The following PRICKLE3 variants were observed in gnomAD, a reference collection of about 807,000 sequenced individuals.
PRICKLE3 encodes the protein prickle planar cell polarity protein 3.
Under a neutral mutation model 33.8 loss-of-function variants are expected in PRICKLE3, and 17 were observed. That is an observed-to-expected ratio of 0.50 (90% CI 0.34 to 0.75). The LOEUF is 0.75. PRICKLE3 is among the 30% of genes least tolerant of loss of function. The pLI is 0.01. For missense variants in PRICKLE3, 573 were observed against 576.7 expected, an observed-to-expected ratio of 0.99 and a Z score of 0.07; for synonymous variants, 211 against 219.6, an observed-to-expected ratio of 0.96 and a Z score of 0.34.
At position 49,174,838 on chromosome X, in the gene PRICKLE3, C is replaced by G; in HGVS notation, c.*835G>C. ...AGTGCCTTTATTGGGAGACTTTTGT[C>G]TTCCAGCCTGCCAATCAACCCTCCT... is the stretch of plus-strand genomic sequence containing the variant. On this transcript the variant is annotated 3_prime_UTR_variant, in exon 9 of 9. Transcript: ENST00000599218. The G allele has an allele frequency of 1.8e-6, 1 of 555,172 alleles. No individual in the cohort carries two copies. The highest frequency in any genetic ancestry group is 2.5e-5 in the South Asian group (1 of 40,235). The allele number at this position is 555,172 out of a possible 1,213,427, so 45.8% of individuals were successfully genotyped here.
intron 3 of PRICKLE3, among the ~76,000 whole-genome samples, 193 bp from the exon 4 acceptor site, chrX:49,179,999 G>A (rs1355342259): frequency 1.7e-4 from 17 of 97,710 alleles, no homozygotes; most frequent in African/African-American, 5.3e-4. Flanking sequence ...GTTCCTGCAT[G>A]TATTGACCTC....
In PRICKLE3 at chrX:49,179,722, G is replaced by A; in HGVS notation, c.397C>T (p.Leu133=). The stretch of plus-strand genomic sequence containing the variant: ...CTGTCGTGTGGGGGCAGCTGGTGCA[G>A]CAGCTGCTTGATCCTGTATTTCTCC... ...PGEKYRIKQL[L]HQLPPHDSEA... Residue 133 remains leucine (L), a synonymous_variant, in exon 4 of 9, where the codon CTG becomes TTG. Transcript: ENST00000599218. 4 of 1,187,756 alleles carry A rather than the reference G, an allele frequency of 3.4e-6. No individual in the cohort carries two copies. The highest frequency in any genetic ancestry group is 4.5e-6 in the Non-Finnish European group (4 of 880,478).
At chrX:49,183,406 A>G (rs183070516) in intron 3 of PRICKLE3, among the ~76,000 whole-genome samples, 1 of 111,689 alleles carries the variant, frequency 9.0e-6, no homozygotes, top group African/African-American at 3.3e-5. Context: ...AAAAAATTTT[A>G]AAAATAGCCA....
intron 5 of PRICKLE3, among the ~76,000 whole-genome samples, chrX:49,178,906 C>T (rs2065433985): frequency 8.9e-6 from 1 of 112,429 alleles, no homozygotes; most frequent in Admixed American, 9.4e-5. Flanking sequence ...TGGGTCAGCT[C>T]TTGAGGACAA....
chrX:49,181,562 C>CGTATATATAT (rs1319788792), intron 3 of PRICKLE3, among the ~76,000 whole-genome samples: 10 of 1,487 alleles, frequency 6.7e-3, no homozygotes, highest in South Asian at 0.053. Flanking sequence ...TATATATATA[C>CGTATATATAT]ACGTATATAT....
chrX:49,181,147 A>T (rs1692772785), intron 3 of PRICKLE3, among the ~76,000 whole-genome samples: 2 of 109,759 alleles, frequency 1.8e-5, no homozygotes, highest in Non-Finnish European at 3.8e-5. Flanking sequence ...AGGGGAAGAT[A>T]GCTTGAGCCC....
chrX:49,181,906 C>T (rs2065458628), intron 3 of PRICKLE3, among the ~76,000 whole-genome samples: 1 of 106,749 alleles, frequency 9.4e-6, no homozygotes, highest in African/African-American at 3.4e-5. Flanking sequence ...GCCTAGGCTT[C>T]CCAAAGTGGT....
At chrX:49,183,326 C>G (rs1256906152) in intron 3 of PRICKLE3, among the ~76,000 whole-genome samples, 1 of 110,573 alleles carries the variant, frequency 9.0e-6, no homozygotes, top group African/African-American at 3.3e-5. Context: ...TTTGGGAGGC[C>G]GAGGCAGGAT....
chrX:49,181,565 G>GCGTA (rs1569526450), intron 3 of PRICKLE3, among the ~76,000 whole-genome samples: 2 of 20,539 alleles, frequency 9.7e-5, no homozygotes, highest in African/African-American at 6.9e-4. Flanking sequence ...ATATATACAC[G>GCGTA]TATATATACG....
chrX:49,180,110 C>T (rs2065441708), intron 3 of PRICKLE3, among the ~76,000 whole-genome samples: 1 of 97,229 alleles, frequency 1.0e-5, no homozygotes, highest in African/African-American at 3.8e-5. Flanking sequence ...TCTAGGCTCA[C>T]TGCAACCTCC....
intron 8 of PRICKLE3, 142 bp downstream of exon 8, chrX:49,176,761 T>C (rs2065419956): frequency 2.2e-5 from 13 of 589,107 alleles, no homozygotes; most frequent in Non-Finnish European, 2.9e-5. Context: ...GGAAGGAGGA[T>C]GAGCTGAGAA....
At chrX:49,177,235 C>A (rs781997859) in intron 7 of PRICKLE3, 33 bp from the exon 8 acceptor site, 1 of 1,101,446 alleles carries the variant, frequency 9.1e-7, no homozygotes, top group Non-Finnish European at 1.2e-6. Flanking sequence ...AAAACTGAGG[C>A]AGAACCCCCA....
chrX:49,177,658 A>G (rs2147871443), intron 7 of PRICKLE3, among the ~76,000 whole-genome samples: 1 of 111,796 alleles, frequency 8.9e-6, no homozygotes, highest in African/African-American at 3.2e-5. Context: ...TTAGGCTGAT[A>G]CAGGAGAGTG....
In PRICKLE3 at chrX:49,177,975, C is replaced by T; in HGVS notation, c.955+18G>A. On this transcript the variant is annotated intron_variant, in intron 7 of 8. Transcript: ENST00000599218. The stretch of plus-strand genomic sequence containing the variant: ...CTGTCCATCCATCCCTCTGTCCAGT[C>T]CCACAGCATTCACCCACCGATGTGC... 8.8e-7 allele frequency: 1 copy of T among 1,141,217 alleles called. No homozygotes were observed. The highest frequency in any genetic ancestry group is 1.2e-6 in the Non-Finnish European group (1 of 860,976). 94.0% of individuals were successfully genotyped at this position (1,141,217 alleles called of 1,213,427 possible).
At position 49,178,095 on chromosome X, in the gene PRICKLE3, G is replaced by C. The variant is rs1201365165; in HGVS notation, c.853C>G (p.Leu285Val). 2 of 1,182,916 alleles carry C rather than the reference G, an allele frequency of 1.7e-6. No individual in the cohort carries two copies. Among genetic ancestry groups the C allele is most frequent in the Non-Finnish European group, 2.3e-6 (2 of 879,595 alleles). Residue 285 changes from leucine (L) to valine (V), a missense_variant, in exon 7 of 9, where the codon CTA (leucine) becomes GTA (valine). Leu to Val is a conservative substitution (Grantham distance 32). Transcript: ENST00000599218. ...HFCCFECEAS[L>V]GGQRYVMRQS... ...CGCATGACATAGCGCTGCCCTCCTAGTGAAGCTTCACACTCAAAGCAGCAG... is the reference window on the plus strand; with the variant it reads ...CGCATGACATAGCGCTGCCCTCCTACTGAAGCTTCACACTCAAAGCAGCAG...
chrX:49,177,316 T>C, intron 7 of PRICKLE3, 114 bp from the exon 8 acceptor site: 1 of 804,564 alleles, frequency 1.2e-6, no homozygotes, highest in South Asian at 3.0e-5. Flanking sequence ...AGGGCACCCC[T>C]GGGTGCCTTC....
rs149407053 is a variant in PRICKLE3, at chrX:49,183,813, C to T, written c.233G>A (p.Arg78His). 2.3e-5 allele frequency: 28 copies of T among 1,209,189 alleles called. No individual in the cohort carries two copies. Among genetic ancestry groups the T allele is most frequent in the Non-Finnish European group, 3.0e-5 (27 of 894,960 alleles). The part of the protein sequence containing the change: ...IMCRLISDFQ[R>H]HSISDDDSGC... ...TGAGTCGTCGTCGGAGATGGAGTGG[C>T]GCTGGAAGTCCGAGATTAGCCGACA... The change falls in exon 3 of 9, where the codon CGC (arginine) becomes CAC (histidine). Residue 78 changes from arginine (R) to histidine (H), a missense_variant. By Grantham distance (29) the Arg-to-His change is conservative. Transcript: ENST00000599218.
chrX:49,178,494 C>T lies in PRICKLE3; in HGVS notation c.565-19G>A, dbSNP rs375415552. The T allele has an allele frequency of 2.7e-5, 32 of 1,191,529 alleles. No homozygotes were observed. The highest frequency in any genetic ancestry group is 3.3e-5 in the Non-Finnish European group (29 of 879,625). On this transcript the variant is annotated intron_variant, in intron 5 of 8. Transcript: ENST00000599218. The stretch of plus-strand genomic sequence containing the variant: ...TTCCGCACTGCCATGAGACAAGCAC[C>T]AAGATGGTTACCATCACTGTCACCA...
At chrX:49,176,808 TG>T in intron 8 of PRICKLE3, 94 bp downstream of exon 8, 1 of 921,328 alleles carries the variant, frequency 1.1e-6, no homozygotes, top group Non-Finnish European at 1.5e-6. Context: ...GTGAAGGGCC[TG>T]GGCTAGTCAA....
Sources: allele counts gnomAD v4.1 joint callset (sites outside exome capture counted in the v4.1 genomes callset), GRCh38; gene constraint gnomAD v4.1.1; transcripts MANE v1.5; gene names NCBI Gene and HGNC (gene_info 2026-07-23, HGNC 2026-07-21).